Variants in SYNPR observed in about 807,000 individuals in gnomAD.
The protein encoded by SYNPR is synaptoporin.
SYNPR carries 23 observed loss-of-function variants against 32.9 expected under a neutral mutation model. That is an observed-to-expected ratio of 0.70 (90% confidence interval 0.50 to 0.99). The LOEUF is 0.99. Among genes scored for constraint, SYNPR ranks in the 50% least tolerant of loss-of-function variants. The probability of loss-of-function intolerance (pLI) is 0.00; values close to 1 mark genes in which losing one functional copy is unlikely to be tolerated. For synonymous variants in SYNPR, 146 were observed against 135.9 expected (o/e 1.07, Z -0.52); for missense variants, 318 against 349.3 (o/e 0.91, Z 0.71).
chr3:63,505,968 C>T (rs114858696), intron 3 of SYNPR, among the ~76,000 whole-genome samples: 2,431 of 152,168 alleles, frequency 0.016, 64 homozygotes, highest in African/African-American at 0.056. Context: ...CTCTACCCGC[C>T]GATAAATAGC....
chr3:63,560,715 GAGA>G (rs952584797), intron 4 of SYNPR, among the ~76,000 whole-genome samples: 9 of 152,308 alleles, frequency 5.9e-5, no homozygotes, highest in Admixed American at 5.2e-4. Context: ...CAGACAAAGA[GAGA>G]AGAAGTGAGC....
chr3:63,267,456 G>A (rs1219266145), intron 3 of SYNPR: 1 of 152,180 alleles, frequency 6.6e-6, no homozygotes, highest in East Asian at 1.9e-4. Context: ...GCAGGTAAGT[G>A]GTCCCCAATA....
At chr3:63,426,995 T>A (rs17031737) in intron 2 of SYNPR, among the ~76,000 whole-genome samples, 2 of 152,040 alleles carry the variant, frequency 1.3e-5, no homozygotes, top group African/African-American at 4.8e-5. Context: ...ATAAATATGC[T>A]TCTTGGGTAT....
At chr3:63,252,912 G>A (rs567152343) in intron 2 of SYNPR, among the ~76,000 whole-genome samples, 4 of 151,814 alleles carry the variant, frequency 2.6e-5, no homozygotes, top group Non-Finnish European at 4.4e-5. Flanking sequence ...GGTAGCGCTC[G>A]CCTGTAGTCC....
At chr3:63,358,011 G>C (rs941444180) in intron 2 of SYNPR, among the ~76,000 whole-genome samples, 3 of 152,198 alleles carry the variant, frequency 2.0e-5, no homozygotes, top group Non-Finnish European at 4.4e-5. Flanking sequence ...GGGTTGAGGA[G>C]TGATTCATTC....
the SYNPR span, among the ~76,000 whole-genome samples, chr3:63,201,930 C>G: frequency 6.6e-6 from 1 of 152,022 alleles, no homozygotes; most frequent in Non-Finnish European, 1.5e-5. Context: ...CTTTCACTCA[C>G]AAAAAGAGGT....
intron 2 of SYNPR, among the ~76,000 whole-genome samples, chr3:63,349,521 A>C (rs920778601): frequency 6.6e-6 from 1 of 151,986 alleles, no homozygotes; most frequent in Non-Finnish European, 1.5e-5. Flanking sequence ...GGGATCTTTC[A>C]CCTCCTTGAT....
chr3:63,531,309 G>A (rs951022133), intron 3 of SYNPR, among the ~76,000 whole-genome samples: 12 of 152,066 alleles, frequency 7.9e-5, no homozygotes, highest in African/African-American at 2.9e-4. Flanking sequence ...GTAACAGCAG[G>A]GCTCTGCTCC....
intron 2 of SYNPR, among the ~76,000 whole-genome samples, chr3:63,465,754 C>T (rs1053936044): frequency 7.9e-5 from 12 of 152,084 alleles, no homozygotes; most frequent in South Asian, 2.1e-4. Context: ...CAATATATCA[C>T]GTACAAAAAT....
intron 4 of SYNPR, among the ~76,000 whole-genome samples, chr3:63,600,661 G>T (rs1484074134): frequency 6.6e-6 from 1 of 152,154 alleles, no homozygotes; most frequent in Admixed American, 6.5e-5. Context: ...AGTCTTATGA[G>T]ATCTGATGGT....
chr3:63,276,603 T>C (rs2086575873), upstream of SYNPR, among the ~76,000 whole-genome samples: 2 of 150,222 alleles, frequency 1.3e-5, no homozygotes, highest in South Asian at 4.3e-4. Context: ...ACACACTAAG[T>C]AATTGATAGT....
chr3:63,579,762 G>A (rs978879112), intron 4 of SYNPR, among the ~76,000 whole-genome samples: 13 of 149,972 alleles, frequency 8.7e-5, no homozygotes, highest in African/African-American at 2.9e-4. Flanking sequence ...AATGGTTTCT[G>A]AGGTTGGTTC....
chr3:63,597,270 T>C (rs1443480695), intron 4 of SYNPR, among the ~76,000 whole-genome samples: 2 of 152,202 alleles, frequency 1.3e-5, no homozygotes, highest in African/African-American at 2.4e-5. Flanking sequence ...AATGTGTTTT[T>C]GAATAAGACC....
At chr3:63,404,163 G>A (rs1331965133) in intron 2 of SYNPR, among the ~76,000 whole-genome samples, 1 of 152,168 alleles carries the variant, frequency 6.6e-6, no homozygotes, top group African/African-American at 2.4e-5. Context: ...TGTAGATGCT[G>A]TAGAAAGGAA....
At chr3:63,428,808 G>A (rs1209518386) in intron 2 of SYNPR, among the ~76,000 whole-genome samples, 1 of 152,200 alleles carries the variant, frequency 6.6e-6, no homozygotes, top group Admixed American at 6.5e-5. Flanking sequence ...GGAGATTGGG[G>A]ATTGCAAGGC....
chr3:63,431,191 G>T lies in SYNPR; in HGVS notation c.85-49641G>T, dbSNP rs1575640219. 1.3e-5 allele frequency among the ~76,000 whole-genome samples: 2 copies of T among 152,152 alleles called. 1 individual carries two copies. Among genetic ancestry groups the T allele is most frequent in the East Asian group, 3.9e-4 (2 of 5,190 alleles). On this transcript the variant is annotated intron_variant, in intron 2 of 5. Coordinates refer to ENST00000478300, the MANE Select transcript of SYNPR (RefSeq NM_001130003.2). Reference sequence around the variant, plus strand: ...ACTTCACTAACAAGATATATTTGAGGTCTCATTTCAACCTAATAGTGATGT... The same window carrying T: ...ACTTCACTAACAAGATATATTTGAGTTCTCATTTCAACCTAATAGTGATGT...
At chr3:63,426,018 C>A (rs1699887043) in intron 2 of SYNPR, among the ~76,000 whole-genome samples, 1 of 152,058 alleles carries the variant, frequency 6.6e-6, no homozygotes, top group Non-Finnish European at 1.5e-5. Flanking sequence ...AACTCCTGAC[C>A]TTGTGATCCA....
intron 2 of SYNPR, 117 bp downstream of exon 2, chr3:63,278,859 GC>G (rs11361811): frequency 0.61 from 715,831 of 1,178,360 alleles, 221,476 homozygotes; most frequent in South Asian, 0.66. Context: ...CAACCCTCAA[GC>G]CGGGGATTTC....
intron 2 of SYNPR, among the ~76,000 whole-genome samples, chr3:63,342,435 T>C (rs572463588): frequency 6.6e-6 from 1 of 152,342 alleles, no homozygotes; most frequent in East Asian, 1.9e-4. Context: ...GTATTTTGAA[T>C]GCTGAATCCC....
Sources: gnomAD v4.1 joint callset for allele counts (sites outside exome capture counted in the v4.1 genomes callset) on GRCh38, gnomAD v4.1.1 for gene constraint, MANE v1.5 for transcripts, NCBI Gene and HGNC (gene_info 2026-07-23, HGNC 2026-07-21) for gene names.